Variants in BANP observed in about 807,000 individuals in gnomAD.
The protein encoded by BANP is protein BANP.
BANP carries 11 observed loss-of-function variants against 68.1 expected under a neutral mutation model. That is an observed-to-expected ratio of 0.16 (90% CI 0.10 to 0.27). BANP has a LOEUF of 0.27. BANP is among the 10% of genes least tolerant of loss of function. The pLI is 1.00. For missense variants in BANP, 504 were observed against 722.7 expected, an observed-to-expected ratio of 0.70 and a Z score of 3.47; for synonymous variants, 329 against 303.2, an observed-to-expected ratio of 1.09 and a Z score of -0.88.
intron 8 of BANP, among the ~76,000 whole-genome samples, chr16:88,028,198 T>G (rs1332515967): frequency 6.6e-6 from 1 of 152,192 alleles, no homozygotes; most frequent in Non-Finnish European, 1.5e-5. Context: ...TCAAAATATT[T>G]TAGTAAGTAT....
intron 4 of BANP, among the ~76,000 whole-genome samples, chr16:87,999,084 G>A (rs2068260244): frequency 7.1e-6 from 1 of 141,184 alleles, no homozygotes; most frequent in Non-Finnish European, 1.5e-5. Context: ...ACGCACGTGC[G>A]CGGCTGTACT....
At chr16:87,964,584 G>A (rs534758368) in intron 1 of BANP, among the ~76,000 whole-genome samples, 8 of 127,896 alleles carry the variant, frequency 6.3e-5, no homozygotes, top group Non-Finnish European at 1.2e-4. Context: ...CAGAGGGCCC[G>A]TGAGATGGGA....
chr16:88,008,046 C>T (rs1295150631), intron 6 of BANP, among the ~76,000 whole-genome samples: 1 of 152,210 alleles, frequency 6.6e-6, no homozygotes, highest in Non-Finnish European at 1.5e-5. Flanking sequence ...TCCCAGCCTC[C>T]AGCCCCGGCA....
chr16:88,054,863 T>C (rs891253954), intron 11 of BANP, among the ~76,000 whole-genome samples: 6 of 152,202 alleles, frequency 3.9e-5, no homozygotes, highest in African/African-American at 1.4e-4. Context: ...AGTGTTGAAT[T>C]TGGATTCTGC....
chr16:88,038,365 C>T (rs1455448800), intron 11 of BANP, among the ~76,000 whole-genome samples: 1 of 152,034 alleles, frequency 6.6e-6, no homozygotes, highest in African/African-American at 2.4e-5. Flanking sequence ...CTCACCATGA[C>T]AATGCACAGG....
In BANP at chr16:88,024,106, A is replaced by G. The variant is rs75048961; in HGVS notation, c.896-3377A>G. 3.3e-4 allele frequency among the ~76,000 whole-genome samples: 50 copies of G among 152,338 alleles called. 1 individual carries two copies. In the East Asian group the frequency reaches 9.5e-3, roughly 29 times the overall value. On this transcript the variant is annotated intron_variant, in intron 7 of 13. Transcript: ENST00000682872. ...CGATTGAAGTCCGACTAGGCCTCCC[A>G]GAGCAGGGGCTGCAGGTGCCTTGGG...
At chr16:88,051,008 C>G (rs1192078953) in intron 11 of BANP, among the ~76,000 whole-genome samples, 1 of 152,196 alleles carries the variant, frequency 6.6e-6, no homozygotes, top group Non-Finnish European at 1.5e-5. Context: ...CATCTGCTTG[C>G]TGGTAGGTTG....
chr16:87,976,800 G>T (rs1244980821), intron 2 of BANP, among the ~76,000 whole-genome samples: 1 of 152,208 alleles, frequency 6.6e-6, no homozygotes, highest in Non-Finnish European at 1.5e-5. Flanking sequence ...CACGAAGGCA[G>T]CATTTCAGGA....
intron 1 of BANP, among the ~76,000 whole-genome samples, chr16:87,953,671 AT>A (rs1229282888): frequency 6.6e-6 from 1 of 151,860 alleles, no homozygotes; most frequent in Non-Finnish European, 1.5e-5. Context: ...TACAGCGTGG[AT>A]TTTTCTGTTA....
At chr16:87,954,853 C>G (rs558738389) in intron 1 of BANP, among the ~76,000 whole-genome samples, 183 of 152,362 alleles carry the variant, frequency 1.2e-3, no homozygotes, top group African/African-American at 4.2e-3. Context: ...AGTCACTCCC[C>G]TTGAGCAGGA....
intron 1 of BANP, among the ~76,000 whole-genome samples, chr16:87,967,254 CTTTTT>C (rs573550962): frequency 3.7e-5 from 4 of 106,992 alleles, no homozygotes; most frequent in African/African-American, 1.1e-4. Flanking sequence ...GGAAAAGGTT[CTTTTT>C]TTTTTTTTTT....
Position 88,063,256 on chromosome 16 carries a change from G to A in BANP, c.1312-2011G>A, listed in dbSNP as rs115394703. ...CCCTTATTTCTAGGCCCAGTGCCTC[G>A]GCTTTCGCCTCTCAGCCCTCCCCTC... On this transcript the variant is annotated intron_variant, in intron 11 of 13. Coordinates refer to ENST00000682872, the MANE Select transcript of BANP (RefSeq NM_001386991.1). 6.7e-3 allele frequency among the ~76,000 whole-genome samples: 1,017 copies of A among 152,312 alleles called. 13 individuals carry two copies. The highest frequency in any genetic ancestry group is 0.023 in the African/African-American group (949 of 41,566).
At chr16:88,005,385 G>C (rs1345409074) in intron 5 of BANP, among the ~76,000 whole-genome samples, 1 of 152,200 alleles carries the variant, frequency 6.6e-6, no homozygotes, top group Non-Finnish European at 1.5e-5. Flanking sequence ...TTTGCATATA[G>C]AGAAATTGTG....
intron 7 of BANP, among the ~76,000 whole-genome samples, chr16:88,019,391 A>G (rs2152671156): frequency 6.6e-6 from 1 of 152,066 alleles, no homozygotes; most frequent in African/African-American, 2.4e-5. Context: ...AAGAGACACG[A>G]GGCCCCTGGC....
At position 88,072,099 on chromosome 16, in the gene BANP, G is replaced by A. The variant is rs765284683; in HGVS notation, c.1408G>A (p.Ala470Thr). Residue 470 changes from alanine (A) to threonine (T), a missense_variant, in exon 13 of 14, where the codon GCC becomes ACC. Ala to Thr is a moderately conservative substitution (Grantham distance 58, BLOSUM62 0). This residue lies in a region of BANP where 223 missense variants were observed against 246.2 expected (regional missense o/e 0.91). Transcript: ENST00000682872. The stretch of plus-strand genomic sequence containing the variant: ...GCAGGGTGCACAGCTGATCGCCGTG[G>A]CCTCCTCGGACCCCGCGGCGGCGGG... ...VLQGAQLIAV[A>T]SSDPAAAGVD... 1.3e-6 allele frequency: 2 copies of A among 1,599,382 alleles called. No homozygotes were observed. The highest frequency in any genetic ancestry group is 4.5e-5 in the East Asian group (2 of 44,286).
At chr16:88,010,536 G>A (rs1386650767) in intron 6 of BANP, among the ~76,000 whole-genome samples, 3 of 152,236 alleles carry the variant, frequency 2.0e-5, no homozygotes, top group African/African-American at 7.2e-5. Context: ...CTACTGGCAC[G>A]CCGTGCTGAC....
chr16:87,969,284 T>C (rs2060685116), intron 1 of BANP, among the ~76,000 whole-genome samples: 1 of 152,122 alleles, frequency 6.6e-6, no homozygotes, highest in Admixed American at 6.5e-5. Flanking sequence ...TGCACACATA[T>C]GTGAATGTCT....
intron 6 of BANP, among the ~76,000 whole-genome samples, chr16:88,009,672 C>T (rs2072431340): frequency 6.6e-6 from 1 of 152,132 alleles, no homozygotes; most frequent in African/African-American, 2.4e-5. Flanking sequence ...CTGTTGAAAG[C>T]ATGGAACAGT....
In BANP at chr16:88,071,661, T is replaced by TG; in HGVS notation, c.1378-406dup. The TG allele has an allele frequency of 2.1e-6, 1 of 472,552 alleles. No homozygotes were observed. The highest frequency in any genetic ancestry group is 4.2e-6 in the Non-Finnish European group (1 of 237,944). 29.3% of individuals were successfully genotyped at this position (472,552 alleles called of 1,614,324 possible). On this transcript the variant is annotated intron_variant, in intron 12 of 13. Coordinates refer to ENST00000682872, the MANE Select transcript of BANP (RefSeq NM_001386991.1). This position sits in a 1 kb window ranked among gnomAD's most constrained non-coding sequence, Gnocchi z 6.5. ...GGTCTCAGCCTCACGCTCACGGTCC[T>TG]GGCTTGGATTTTAGGCCTCAGTGGC... is the stretch of plus-strand genomic sequence containing the variant.
Sources: allele counts gnomAD v4.1 joint callset (sites outside exome capture counted in the v4.1 genomes callset), GRCh38; gene constraint gnomAD v4.1.1; regional missense constraint gnomAD v4.1.1; non-coding constraint Gnocchi (gnomAD v3.1); transcripts MANE v1.5; gene names NCBI Gene and HGNC (gene_info 2026-07-23, HGNC 2026-07-21).